The following LGR6 variants were observed in gnomAD, a reference collection of about 807,000 sequenced individuals.
LGR6 encodes the protein leucine rich repeat containing G protein-coupled receptor 6.
LGR6 carries 45 observed loss-of-function variants against 69.4 expected under a neutral mutation model. That is an observed-to-expected ratio of 0.65 (90% CI 0.51 to 0.83). LGR6 has a LOEUF of 0.83. Ranked by LOEUF, LGR6 falls within the 40% of genes least tolerant of loss-of-function variation. The pLI is 0.00. For synonymous variants in LGR6, 538 were observed against 555.0 expected (o/e 0.97, Z 0.43); for missense variants, 1,108 against 1,246.7 (o/e 0.89, Z 1.68).
chr1:202,244,750 T>C (rs1662505099), intron 4 of LGR6, among the ~76,000 whole-genome samples: 1 of 152,224 alleles, frequency 6.6e-6, no homozygotes, highest in African/African-American at 2.4e-5. Flanking sequence ...GTTGTATATC[T>C]TCTGGGGCCT....
At chr1:202,225,572 T>G in intron 2 of LGR6, 78 bp downstream of exon 2, 16 of 1,327,676 alleles carry the variant, frequency 1.2e-5, no homozygotes, top group Non-Finnish European at 1.5e-5. Context: ...CCCCAGGAGG[T>G]GGGGTGGAGA....
At chr1:202,273,362 G>C (rs1398083893) in intron 4 of LGR6, among the ~76,000 whole-genome samples, 1 of 152,166 alleles carries the variant, frequency 6.6e-6, no homozygotes, top group Non-Finnish European at 1.5e-5. Context: ...GAAGGCAGTA[G>C]CAGAGAGCAA....
chr1:202,198,780 G>T (rs577626837), intron 1 of LGR6, among the ~76,000 whole-genome samples: 1 of 151,794 alleles, frequency 6.6e-6, no homozygotes, highest in East Asian at 1.9e-4. Flanking sequence ...GTCTAGACGG[G>T]CCCCTGCAGG....
intron 2 of LGR6, 28 bp from the exon 3 acceptor site, chr1:202,227,908 A>T: frequency 1.3e-6 from 2 of 1,579,902 alleles, no homozygotes; most frequent in Non-Finnish European, 1.7e-6. Context: ...ACCTGCCAAC[A>T]TCGCTGACCC....
intron 1 of LGR6, among the ~76,000 whole-genome samples, chr1:202,199,623 C>T (rs1461729080): frequency 6.6e-6 from 1 of 151,038 alleles, no homozygotes; most frequent in African/African-American, 2.4e-5. Context: ...CCTGATGGCC[C>T]CACATGCGCT....
chr1:202,293,987 G>A (rs762993446), intron 6 of LGR6, among the ~76,000 whole-genome samples: 14 of 152,174 alleles, frequency 9.2e-5, no homozygotes, highest in Non-Finnish European at 1.8e-4. Flanking sequence ...CTCAATGATA[G>A]CAAAGTCACA....
At chr1:202,307,782 G>T (rs1441613661) in intron 14 of LGR6, among the ~76,000 whole-genome samples, 1 of 152,156 alleles carries the variant, frequency 6.6e-6, no homozygotes, top group Non-Finnish European at 1.5e-5. Context: ...GAGAGCTCAG[G>T]GGTTCCCTGC....
Position 202,193,884 on chromosome 1 carries a change from TC to T in LGR6, c.-102del. The T allele has an allele frequency of 1.6e-6, 1 of 633,126 alleles. No homozygotes were observed. Among genetic ancestry groups the T allele is most frequent in the Non-Finnish European group, 2.2e-6 (1 of 457,246 alleles). 39.2% of individuals were successfully genotyped at this position (633,126 alleles called of 1,614,324 possible). A position where few individuals can be genotyped will look rare whatever the true frequency, so the allele number is the denominator to read the frequency against. Reference sequence around the variant, plus strand: ...CCGCCCAATAGAGCCCCTGGGGCGGTCCCCACCGACGGTGCAGCCCGCCGGG... The same window carrying T: ...CCGCCCAATAGAGCCCCTGGGGCGGTCCCACCGACGGTGCAGCCCGCCGGG... On this transcript the variant is annotated 5_prime_UTR_variant, in exon 1 of 18. Transcript: ENST00000367278.
Position 202,297,496 on chromosome 1 carries a change from T to A in LGR6, c.717-12T>A. On this transcript the variant is annotated splice_polypyrimidine_tract_variant and intron_variant, in intron 6 of 17. Transcript: ENST00000367278. ...GCCTTTGCCCTAATGACTGCTCTGC[T>A]TTCTGTTCCAGAGACCTGAATTATA... 1.9e-6 allele frequency: 3 copies of A among 1,612,246 alleles called. No homozygotes were observed. The highest frequency in any genetic ancestry group is 2.5e-6 in the Non-Finnish European group (3 of 1,179,104).
At chr1:202,297,971 G>A (rs932883563) in intron 7 of LGR6, among the ~76,000 whole-genome samples, 1 of 152,144 alleles carries the variant, frequency 6.6e-6, no homozygotes, top group Non-Finnish European at 1.5e-5. Flanking sequence ...CTTGTCCCCA[G>A]GGGTACTGAG....
intron 4 of LGR6, among the ~76,000 whole-genome samples, chr1:202,239,009 C>G (rs929231861): frequency 2.6e-5 from 4 of 152,130 alleles, no homozygotes; most frequent in African/African-American, 9.7e-5. Flanking sequence ...GGCGTCAGCC[C>G]CAAGTGAGGA....
chr1:202,286,332 T>C (rs2148203208), intron 6 of LGR6, among the ~76,000 whole-genome samples: 1 of 152,348 alleles, frequency 6.6e-6, no homozygotes, highest in South Asian at 2.1e-4. Flanking sequence ...AGGTAAGTGC[T>C]GATCATCCCA....
intron 6 of LGR6, among the ~76,000 whole-genome samples, chr1:202,292,650 G>A (rs549306199): frequency 2.2e-4 from 32 of 147,754 alleles, no homozygotes; most frequent in Admixed American, 5.3e-4. Flanking sequence ...CTGTGAAGGA[G>A]GCTGAGAAGT....
At chr1:202,281,699 G>A (rs1558060070) in intron 6 of LGR6, among the ~76,000 whole-genome samples, 3 of 152,120 alleles carry the variant, frequency 2.0e-5, no homozygotes, top group Admixed American at 2.0e-4. Flanking sequence ...CACTGAGGTT[G>A]GGGTAGAGCT....
intron 1 of LGR6, among the ~76,000 whole-genome samples, chr1:202,202,475 A>G (rs1658871325): frequency 6.6e-6 from 1 of 152,204 alleles, no homozygotes; most frequent in Admixed American, 6.5e-5. Flanking sequence ...TAGAAGAAAG[A>G]GTGCATGTTT....
At chr1:202,286,025 G>A (rs527599474) in intron 6 of LGR6, among the ~76,000 whole-genome samples, 3 of 152,210 alleles carry the variant, frequency 2.0e-5, no homozygotes, top group Non-Finnish European at 2.9e-5. Flanking sequence ...TTTCTTCTGT[G>A]TCTCTCCTCT....
intron 4 of LGR6, among the ~76,000 whole-genome samples, chr1:202,272,891 C>T (rs1665222069): frequency 6.6e-6 from 1 of 152,220 alleles, no homozygotes; most frequent in Non-Finnish European, 1.5e-5. Context: ...CTAGCACCTC[C>T]TTATGGTACA....
In LGR6 at chr1:202,309,041, A is replaced by G. The variant is rs1168713139; in HGVS notation, c.1281-10A>G. Reference sequence around the variant, plus strand: ...TGACTGCCAATAACCCTGACCATCCACTGTCCTAGGGACCTGACAGACAAC... The same window carrying G: ...TGACTGCCAATAACCCTGACCATCCGCTGTCCTAGGGACCTGACAGACAAC... On this transcript the variant is annotated splice_polypyrimidine_tract_variant and intron_variant, in intron 14 of 17. Transcript: ENST00000367278. 6.2e-7 allele frequency: 1 copy of G among 1,613,576 alleles called. No individual in the cohort carries two copies. The highest frequency in any genetic ancestry group is 1.7e-5 in the Admixed American group (1 of 59,988).
At chr1:202,269,648 C>G (rs893504374) in intron 4 of LGR6, among the ~76,000 whole-genome samples, 1 of 152,212 alleles carries the variant, frequency 6.6e-6, no homozygotes, top group Non-Finnish European at 1.5e-5. Flanking sequence ...CACCTTTCCT[C>G]ATGAATTCTG....
Sources: gnomAD v4.1 joint callset for allele counts (sites outside exome capture counted in the v4.1 genomes callset) on GRCh38, gnomAD v4.1.1 for gene constraint, MANE v1.5 for transcripts, NCBI Gene and HGNC (gene_info 2026-07-23, HGNC 2026-07-21) for gene names.